Variants in GPR149 observed in about 807,000 individuals in gnomAD.
GPR149 encodes the protein G protein-coupled receptor 149.
In GPR149, 50 loss-of-function variants were observed where a neutral mutation model predicts 50.2. That is an observed-to-expected ratio of 1.00 (90% CI 0.79 to 1.26). The LOEUF (loss-of-function observed/expected upper bound fraction) is 1.26. Ranked by LOEUF, GPR149 falls within the 50% of genes most tolerant of loss-of-function variation. The pLI is 0.00. For missense variants in GPR149, 983 were observed against 895.4 expected (o/e 1.10, Z -1.25); for synonymous variants, 405 against 358.2 (o/e 1.13, Z -1.48).
chr3:154,353,164 T>A (rs1714126502), intron 3 of GPR149: 3 of 1,523,896 alleles, frequency 2.0e-6, no homozygotes, highest in Non-Finnish European at 2.7e-6. Flanking sequence ...ATAATAGCCC[T>A]CCCTTCAGAC....
chr3:154,428,092 G>A (rs1402896444), intron 1 of GPR149, among the ~76,000 whole-genome samples: 1 of 152,178 alleles, frequency 6.6e-6, no homozygotes, highest in Non-Finnish European at 1.5e-5. Context: ...GCTCGTCACA[G>A]TGGGGCGCCA....
chr3:154,370,981 T>C (rs574762989), intron 3 of GPR149, among the ~76,000 whole-genome samples: 3 of 152,238 alleles, frequency 2.0e-5, no homozygotes, highest in South Asian at 2.1e-4. Context: ...TTGTCCCTAA[T>C]TAAAGAAGGA....
intron 3 of GPR149, among the ~76,000 whole-genome samples, chr3:154,410,619 A>G (rs1315007045): frequency 6.6e-6 from 1 of 152,162 alleles, no homozygotes; most frequent in Non-Finnish European, 1.5e-5. Context: ...ATGATAAAAG[A>G]ACTAGTCCAA....
chr3:154,344,063 G>C (rs1713867372), intron 3 of GPR149, among the ~76,000 whole-genome samples: 1 of 152,154 alleles, frequency 6.6e-6, no homozygotes, highest in African/African-American at 2.4e-5. Context: ...AAAATTATCT[G>C]AAAGGAAAAG....
chr3:154,363,334 A>G (rs2108396527), intron 3 of GPR149, among the ~76,000 whole-genome samples: 1 of 151,862 alleles, frequency 6.6e-6, no homozygotes, highest in East Asian at 1.9e-4. Context: ...AATAATTTAC[A>G]AATTATTCAG....
intron 3 of GPR149, among the ~76,000 whole-genome samples, chr3:154,366,255 T>C (rs1212903429): frequency 2.0e-5 from 3 of 152,176 alleles, no homozygotes; most frequent in African/African-American, 7.2e-5. Context: ...GACATTAAAA[T>C]AGAGATCATA....
At chr3:154,354,616 A>G (rs899669545) in intron 3 of GPR149, 1 of 195,052 alleles carries the variant, frequency 5.1e-6, no homozygotes, top group Non-Finnish European at 1.1e-5. Context: ...AAGACTCTAC[A>G]ACTCCTCTAC....
chr3:154,337,931 G>T lies in GPR149; in HGVS notation c.1964C>A (p.Ser655Tyr). Reference sequence around the variant, plus strand: ...TGAAACAAATCTGTTTTCTTTCCTGGAGTAACGTAGGGATGGAGATCTGAC... The same window carrying T: ...TGAAACAAATCTGTTTTCTTTCCTGTAGTAACGTAGGGATGGAGATCTGAC... The part of the protein sequence containing the change: ...TQVRSPSLRY[S>Y]RKENRFVSCD... Residue 655 changes from serine to tyrosine, a missense_variant, in exon 4 of 4, where the codon TCC becomes TAC. Physicochemically the swap from Ser to Tyr is moderately radical, Grantham distance 144. Coordinates refer to ENST00000389740, the MANE Select transcript of GPR149 (RefSeq NM_001038705.3). The T allele has an allele frequency of 6.8e-6, 11 of 1,613,082 alleles. No individual in the cohort carries two copies. The highest frequency in any genetic ancestry group is 9.3e-6 in the Non-Finnish European group (11 of 1,179,392).
At chr3:154,427,782 G>A (rs1009905788) in intron 1 of GPR149, 74 bp from the exon 2 acceptor site, 27 of 1,352,870 alleles carry the variant, frequency 2.0e-5, no homozygotes, top group Non-Finnish European at 2.5e-5. Context: ...CTCCACGCAC[G>A]CTGCCTCAGT....
At chr3:154,364,848 C>G (rs1360407213) in intron 3 of GPR149, among the ~76,000 whole-genome samples, 2 of 152,204 alleles carry the variant, frequency 1.3e-5, no homozygotes, top group African/African-American at 2.4e-5. Flanking sequence ...GGATTGCACT[C>G]TGGCAGTTCT....
intron 3 of GPR149, among the ~76,000 whole-genome samples, chr3:154,401,971 T>C (rs1390748644): frequency 6.6e-6 from 1 of 152,168 alleles, no homozygotes; most frequent in African/African-American, 2.4e-5. Flanking sequence ...GCTAATGCCA[T>C]CAAGTCAAGG....
intron 3 of GPR149, among the ~76,000 whole-genome samples, chr3:154,372,011 C>A (rs1236401267): frequency 1.4e-5 from 2 of 145,258 alleles, no homozygotes; most frequent in African/African-American, 5.1e-5. Flanking sequence ...CTCTGACTAG[C>A]CTAAAAAGTT....
chr3:154,417,271 G>C (rs545880211), intron 3 of GPR149, among the ~76,000 whole-genome samples: 12 of 152,042 alleles, frequency 7.9e-5, no homozygotes, highest in Admixed American at 2.0e-4. Flanking sequence ...AGAAGTAATT[G>C]TGTGGCCATG....
intron 2 of GPR149, among the ~76,000 whole-genome samples, chr3:154,426,937 A>G (rs1712321344): frequency 6.7e-6 from 1 of 150,302 alleles, no homozygotes; most frequent in Admixed American, 6.7e-5. Context: ...GCCTACACTT[A>G]CAATTTGTTT....
chr3:154,396,918 ATTGTTG>A (rs914790178), intron 3 of GPR149, among the ~76,000 whole-genome samples: 3 of 151,106 alleles, frequency 2.0e-5, no homozygotes, highest in Non-Finnish European at 4.4e-5. Flanking sequence ...ATTTTTTGTC[ATTGTTG>A]TTGTTGTTGT....
At chr3:154,405,534 G>C (rs1424309737) in intron 3 of GPR149, among the ~76,000 whole-genome samples, 3 of 143,364 alleles carry the variant, frequency 2.1e-5, no homozygotes, top group African/African-American at 7.8e-5. Context: ...GCTGCAGTGA[G>C]CTGAGACTGC....
Position 154,385,328 on chromosome 3 carries a change from G to A in GPR149, c.1623+35711C>T, listed in dbSNP as rs188285810. On this transcript the variant is annotated intron_variant, in intron 3 of 3. Coordinates refer to ENST00000389740, the MANE Select transcript of GPR149 (RefSeq NM_001038705.3). Reference sequence around the variant, plus strand: ...AGCGGGCTTTCATATTTTTTGTACCGGTTGTGAACAATAAGAAGCTTGAAA... The same window carrying A: ...AGCGGGCTTTCATATTTTTTGTACCAGTTGTGAACAATAAGAAGCTTGAAA... Among the ~76,000 whole-genome samples the A allele has an allele frequency of 5.4e-4, 82 of 152,264 alleles. No homozygotes were observed. The East Asian group carries it at 0.01, about 19-fold the overall frequency.
intron 3 of GPR149, among the ~76,000 whole-genome samples, chr3:154,367,459 C>T (rs1381819025): frequency 3.9e-5 from 6 of 152,150 alleles, no homozygotes; most frequent in Admixed American, 3.9e-4. Flanking sequence ...GATCCTGTCT[C>T]CTTTGCCATG....
In GPR149 at chr3:154,428,682, C is replaced by T. The variant is rs1333041988; in HGVS notation, c.934G>A (p.Ala312Thr). The change falls in exon 1 of 4, where the codon GCT (alanine) becomes ACT (threonine). Residue 312 changes from alanine (A) to threonine (T), a missense_variant. By Grantham distance (58) the Ala-to-Thr change is moderately conservative (BLOSUM62 0). Coordinates refer to ENST00000389740, the MANE Select transcript of GPR149 (RefSeq NM_001038705.3). Reference sequence around the variant, plus strand: ...ACTTTTGTAAGCGCTAGGATCAAAGCGAAGCGCTTCTGCGCTACGCTCACG... The same window carrying T: ...ACTTTTGTAAGCGCTAGGATCAAAGTGAAGCGCTTCTGCGCTACGCTCACG... Reference protein sequence around the residue: ...FTVSVAQKRFALILALTKVVL... With the variant: ...FTVSVAQKRFTLILALTKVVL... 1 of 1,613,992 alleles carries T rather than the reference C, an allele frequency of 6.2e-7. No individual in the cohort carries two copies. The highest frequency in any genetic ancestry group is 1.3e-5 in the African/African-American group (1 of 75,046).
Sources: gnomAD v4.1 joint callset for allele counts (sites outside exome capture counted in the v4.1 genomes callset) on GRCh38, gnomAD v4.1.1 for gene constraint, MANE v1.5 for transcripts, NCBI Gene and HGNC (gene_info 2026-07-23, HGNC 2026-07-21) for gene names.